Variants in PRKG1 observed in about 807,000 individuals in gnomAD.
The protein encoded by PRKG1 is protein kinase cGMP-dependent 1.
PRKG1 carries 35 observed loss-of-function variants against 88.1 expected under a neutral mutation model. That is an observed-to-expected ratio of 0.40 (90% CI 0.30 to 0.53). The LOEUF (loss-of-function observed/expected upper bound fraction) is 0.53. Ranked by LOEUF, PRKG1 falls within the 20% of genes least tolerant of loss-of-function variation. The probability of loss-of-function intolerance (pLI) is 0.59; values close to 1 mark genes in which losing one functional copy is unlikely to be tolerated. For synonymous variants in PRKG1, 303 were observed against 292.5 expected (o/e 1.04, Z -0.37); for missense variants, 540 against 839.8 (o/e 0.64, Z 4.41).
At chr10:51,601,148 C>T (rs1203731384) in intron 3 of PRKG1, among the ~76,000 whole-genome samples, 2 of 151,974 alleles carry the variant, frequency 1.3e-5, no homozygotes, top group Non-Finnish European at 2.9e-5. Flanking sequence ...ATAAAGTAGG[C>T]ATTCTGAACT....
intron 5 of PRKG1, among the ~76,000 whole-genome samples, chr10:51,940,338 T>C (rs1000975336): frequency 2.6e-5 from 4 of 151,888 alleles, no homozygotes; most frequent in Non-Finnish European, 5.9e-5. Flanking sequence ...TGGTCAGTCC[T>C]CTACTGATAA....
chr10:51,030,134 TGG>T (rs1843263506), intron 1 of PRKG1, among the ~76,000 whole-genome samples: 1 of 152,110 alleles, frequency 6.6e-6, no homozygotes, highest in African/African-American at 2.4e-5. Context: ...AAAAGGCTGT[TGG>T]ATAATAGTAA....
At chr10:52,063,737 G>A (rs1223194345) in intron 7 of PRKG1, among the ~76,000 whole-genome samples, 1 of 152,166 alleles carries the variant, frequency 6.6e-6, no homozygotes, top group East Asian at 1.9e-4. Flanking sequence ...GCTCTTAGCA[G>A]AGAGGGTAGC....
At chr10:52,105,699 G>A (rs985839604) in intron 7 of PRKG1, among the ~76,000 whole-genome samples, 4 of 152,016 alleles carry the variant, frequency 2.6e-5, no homozygotes, top group Non-Finnish European at 4.4e-5. Flanking sequence ...ATGGGGGTTT[G>A]TTGTACAGAT....
chr10:51,515,900 G>A (rs567035150), intron 3 of PRKG1, among the ~76,000 whole-genome samples: 2 of 152,280 alleles, frequency 1.3e-5, no homozygotes, highest in East Asian at 3.9e-4. Flanking sequence ...CAGGTGGGAT[G>A]CTAAGGCCCC....
At chr10:51,778,661 G>T (rs1158235185) in intron 3 of PRKG1, among the ~76,000 whole-genome samples, 1 of 152,124 alleles carries the variant, frequency 6.6e-6, no homozygotes, top group Non-Finnish European at 1.5e-5. Flanking sequence ...AACCTTCTGT[G>T]GCTGGAGACA....
At chr10:51,586,576 C>T (rs552934129) in intron 3 of PRKG1, among the ~76,000 whole-genome samples, 7 of 152,236 alleles carry the variant, frequency 4.6e-5, no homozygotes, top group African/African-American at 1.7e-4. Context: ...ATGTTAGCCT[C>T]CTTTAGCTAA....
At chr10:52,060,177 A>T (rs1464126661) in intron 6 of PRKG1, among the ~76,000 whole-genome samples, 1 of 151,958 alleles carries the variant, frequency 6.6e-6, no homozygotes, top group African/African-American at 2.4e-5. Flanking sequence ...TGGACATTAC[A>T]GGTATCACAA....
At chr10:51,958,624 T>C (rs569145358) in intron 5 of PRKG1, among the ~76,000 whole-genome samples, 11 of 149,694 alleles carry the variant, frequency 7.3e-5, no homozygotes, top group African/African-American at 2.5e-4. Flanking sequence ...CACATGAGTG[T>C]TGGAAGGGAA....
intron 5 of PRKG1, among the ~76,000 whole-genome samples, chr10:52,049,263 A>G (rs937742179): frequency 5.3e-5 from 8 of 152,126 alleles, no homozygotes; most frequent in Non-Finnish European, 8.8e-5. Context: ...TGACAGCAAG[A>G]TAATGTCAAA....
At chr10:51,233,007 T>G (rs1564648484) in intron 2 of PRKG1, among the ~76,000 whole-genome samples, 1 of 152,196 alleles carries the variant, frequency 6.6e-6, no homozygotes, top group African/African-American at 2.4e-5. Context: ...TATTCAGTGA[T>G]GAGCCCCAAA....
chr10:51,215,580 A>G (rs1037324542), intron 2 of PRKG1, among the ~76,000 whole-genome samples: 1 of 152,186 alleles, frequency 6.6e-6, no homozygotes, highest in Non-Finnish European at 1.5e-5. Flanking sequence ...GGAAGGGAGT[A>G]GAAGAATGCT....
chr10:51,264,884 T>C (rs1839800241), intron 2 of PRKG1, among the ~76,000 whole-genome samples: 1 of 152,154 alleles, frequency 6.6e-6, no homozygotes, highest in African/African-American at 2.4e-5. Context: ...AAGTATGTCT[T>C]AAAATTATTT....
At chr10:51,848,794 A>C (rs950070808) in intron 4 of PRKG1, among the ~76,000 whole-genome samples, 2 of 151,106 alleles carry the variant, frequency 1.3e-5, no homozygotes, top group Non-Finnish European at 2.9e-5. Context: ...GGTACAAGCC[A>C]CTTCTCAGCC....
chr10:52,264,616 A>G (rs1841526612), intron 10 of PRKG1, among the ~76,000 whole-genome samples: 1 of 152,136 alleles, frequency 6.6e-6, no homozygotes, highest in Non-Finnish European at 1.5e-5. Flanking sequence ...CAAATAATAT[A>G]GATTTCCTGA....
chr10:51,340,307 G>A (rs905017729), intron 2 of PRKG1, among the ~76,000 whole-genome samples: 5 of 152,092 alleles, frequency 3.3e-5, no homozygotes, highest in African/African-American at 4.8e-5. Context: ...TGTTTTTTAA[G>A]AGGTTCTTTC....
chr10:51,792,930 A>G (rs1838905756), intron 3 of PRKG1, among the ~76,000 whole-genome samples: 1 of 152,136 alleles, frequency 6.6e-6, no homozygotes, highest in Non-Finnish European at 1.5e-5. Context: ...TCTCAGAAAA[A>G]GTCAGTCTGT....
At chr10:51,595,511 T>A (rs114233592) in intron 3 of PRKG1, among the ~76,000 whole-genome samples, 10,846 of 151,856 alleles carry the variant, frequency 0.071, 1,261 homozygotes, top group African/African-American at 0.25. Context: ...ATGCCTGTAA[T>A]AGTAGCTACT....
intron 4 of PRKG1, among the ~76,000 whole-genome samples, chr10:51,855,094 TGTC>T (rs1295985671): frequency 6.6e-6 from 1 of 152,218 alleles, no homozygotes; most frequent in Non-Finnish European, 1.5e-5. Context: ...TTCAGCATAA[TGTC>T]GTAAAAGGTT....
Sources: allele counts gnomAD v4.1 joint callset (sites outside exome capture counted in the v4.1 genomes callset), GRCh38; gene constraint gnomAD v4.1.1; transcripts MANE v1.5; gene names NCBI Gene and HGNC (gene_info 2026-07-23, HGNC 2026-07-21).